The following PLCB1 variants were observed in gnomAD, a reference collection of about 807,000 sequenced individuals.
The protein encoded by PLCB1 is 1-phosphatidylinositol 4,5-bisphosphate phosphodiesterase beta-1.
Under a neutral mutation model 161.8 loss-of-function variants are expected in PLCB1, and 46 were observed. The ratio of observed to expected loss-of-function variants is 0.28; its 90% CI spans 0.22 to 0.36. PLCB1 has a LOEUF of 0.36. Ranked by LOEUF, PLCB1 falls within the 10% of genes least tolerant of loss-of-function variation. The pLI, the probability that PLCB1 is intolerant of heterozygous loss-of-function variation, is 1.00. For missense variants in PLCB1, 1,016 were observed against 1,472.5 expected, an observed-to-expected ratio of 0.69 and a Z score of 5.07; for synonymous variants, 517 against 503.7, an observed-to-expected ratio of 1.03 and a Z score of -0.35.
Position 8,473,049 on chromosome 20 carries a change from A to C in PLCB1, c.246+101599A>C, listed in dbSNP as rs376771096. 1.6e-4 allele frequency among the ~76,000 whole-genome samples: 24 copies of C among 152,252 alleles called. 1 individual carries two copies. The South Asian group carries it at 2.9e-3, about 18-fold the overall frequency. The stretch of plus-strand genomic sequence containing the variant: ...AGAAGGAGAAAGAGTATGGACGGTC[A>C]CCAGTGGAAGGTTTCTGTGAATGTG... On this transcript the variant is annotated intron_variant, in intron 3 of 31. Transcript: ENST00000338037.
At chr20:8,731,278 G>C (rs1414318977) in intron 18 of PLCB1, among the ~76,000 whole-genome samples, 5 of 151,872 alleles carry the variant, frequency 3.3e-5, no homozygotes, top group Non-Finnish European at 7.4e-5. Context: ...AATCAAATCA[G>C]AGTAATTGGG....
intron 10 of PLCB1, among the ~76,000 whole-genome samples, chr20:8,694,424 T>A (rs1454964494): frequency 3.3e-5 from 5 of 152,206 alleles, no homozygotes; most frequent in Non-Finnish European, 7.3e-5. Flanking sequence ...TCTTTTTTAT[T>A]CTTCAGTTTT....
intron 2 of PLCB1, among the ~76,000 whole-genome samples, chr20:8,368,543 A>AG (rs1986797864): frequency 6.6e-6 from 1 of 151,304 alleles, no homozygotes; most frequent in Non-Finnish European, 1.5e-5. Context: ...AAAAAAAAAA[A>AG]AAAAAAAGAA....
At position 8,401,619 on chromosome 20, in the gene PLCB1, G is replaced by C. The variant is rs561521853; in HGVS notation, c.246+30169G>C. 2.0e-5 allele frequency among the ~76,000 whole-genome samples: 3 copies of C among 152,302 alleles called. No individual in the cohort carries two copies. The South Asian group carries it at 6.2e-4, about 32-fold the overall frequency. ...ACATCTCTTGCTCAAACCATCTGCT[G>C]AAGGTCTGCAAAAACATTCCAAGAT... is the stretch of plus-strand genomic sequence containing the variant. On this transcript the variant is annotated intron_variant, in intron 3 of 31. Coordinates refer to ENST00000338037, the MANE Select transcript of PLCB1 (RefSeq NM_015192.4).
Position 8,602,215 on chromosome 20 carries a change from G to GT in PLCB1, c.247-26069dup, listed in dbSNP as rs1270626622. ...GAAGAGTATATGACACCAACACCAA[G>GT]TTTTTTTTTTAATCAAAAGCAAGGT... On this transcript the variant is annotated intron_variant, in intron 3 of 31. Transcript: ENST00000338037. 6.5e-3 allele frequency among the ~76,000 whole-genome samples: 965 copies of GT among 149,208 alleles called. 13 individuals are homozygous for GT. The highest frequency in any genetic ancestry group is 0.022 in the African/African-American group (916 of 40,814).
chr20:8,767,831 T>C (rs1347973099), intron 26 of PLCB1, among the ~76,000 whole-genome samples: 2 of 152,200 alleles, frequency 1.3e-5, no homozygotes, highest in African/African-American at 4.8e-5. Context: ...TACAGCAAAC[T>C]GGATGGCTTA....
At chr20:8,648,017 T>C in intron 6 of PLCB1, 64 bp downstream of exon 6, 1 of 1,214,436 alleles carries the variant, frequency 8.2e-7, no homozygotes, top group Non-Finnish European at 1.2e-6. Context: ...ATCCATGCCA[T>C]GGCTCTGTTT....
chr20:8,857,398 T>C (rs1987104910), intron 31 of PLCB1, among the ~76,000 whole-genome samples: 2 of 152,246 alleles, frequency 1.3e-5, no homozygotes, highest in Admixed American at 1.3e-4. Flanking sequence ...TAAATGTTGC[T>C]ATAGTTTATT....
At chr20:8,216,996 C>T (rs1979169918) in intron 2 of PLCB1, among the ~76,000 whole-genome samples, 1 of 152,112 alleles carries the variant, frequency 6.6e-6, no homozygotes, top group African/African-American at 2.4e-5. Flanking sequence ...GTGCGTGGCT[C>T]ACCACTGAGG....
intron 3 of PLCB1, among the ~76,000 whole-genome samples, chr20:8,455,510 G>T (rs1193973204): frequency 2.3e-5 from 3 of 129,916 alleles, no homozygotes; most frequent in East Asian, 4.6e-4. Context: ...TTGCAATCTC[G>T]GCTCACTGCA....
At chr20:8,416,797 G>C (rs183270261) in intron 3 of PLCB1, among the ~76,000 whole-genome samples, 12 of 152,062 alleles carry the variant, frequency 7.9e-5, no homozygotes, top group African/African-American at 2.7e-4. Context: ...CATCCTGGTA[G>C]CCTGACTGAA....
intron 31 of PLCB1, among the ~76,000 whole-genome samples, chr20:8,857,080 C>T (rs1444172642): frequency 6.6e-6 from 1 of 152,148 alleles, no homozygotes; most frequent in Non-Finnish European, 1.5e-5. Flanking sequence ...ATGGCCTCTG[C>T]TAGAACGACC....
At position 8,198,951 on chromosome 20, in the gene PLCB1, G is replaced by GACAC. The variant is rs139256873; in HGVS notation, c.177+48597_177+48600dup. On this transcript the variant is annotated intron_variant, in intron 2 of 31. Transcript: ENST00000338037. Reference sequence around the variant, plus strand: ...AGACACACACACAGACAGACAGACAGACACACACACACACACACACGGACC... The same window carrying GACAC: ...AGACACACACACAGACAGACAGACAGACACACACACACACACACACACACGGACC... Among the ~76,000 whole-genome samples, 1,146 of 149,436 alleles carry GACAC rather than the reference G, an allele frequency of 7.7e-3. 13 individuals are homozygous for GACAC. The highest frequency in any genetic ancestry group is 0.025 in the African/African-American group (1,028 of 40,906).
chr20:8,516,227 C>T (rs1600120586), intron 3 of PLCB1, among the ~76,000 whole-genome samples: 1 of 152,172 alleles, frequency 6.6e-6, no homozygotes, highest in South Asian at 2.1e-4. Context: ...TCACATGTCC[C>T]CTCTGAGCCC....
intron 31 of PLCB1, among the ~76,000 whole-genome samples, chr20:8,857,572 A>G (rs960232595): frequency 1.4e-4 from 22 of 152,200 alleles, no homozygotes. Flanking sequence ...TTGGTTGTAT[A>G]CCAAACTGTG....
At chr20:8,197,964 A>G (rs1009498479) in intron 2 of PLCB1, among the ~76,000 whole-genome samples, 5 of 152,042 alleles carry the variant, frequency 3.3e-5, no homozygotes, top group Non-Finnish European at 7.4e-5. Flanking sequence ...AAGATCAGAT[A>G]GTTATAGATG....
At chr20:8,371,208 T>C in intron 2 of PLCB1, 174 bp from the exon 3 acceptor site, 1 of 542,654 alleles carries the variant, frequency 1.8e-6, no homozygotes, top group South Asian at 2.6e-5. Context: ...GTTAGCTGTC[T>C]TTTGTTTCCA....
intron 2 of PLCB1, among the ~76,000 whole-genome samples, chr20:8,193,603 G>T (rs571685538): frequency 1.3e-5 from 2 of 151,952 alleles, no homozygotes; most frequent in South Asian, 4.2e-4. Flanking sequence ...GACAAGGGTG[G>T]GTGTGAAAGT....
intron 10 of PLCB1, among the ~76,000 whole-genome samples, chr20:8,697,041 A>ATT (rs11385299): frequency 2.6e-5 from 4 of 151,568 alleles, no homozygotes; most frequent in African/African-American, 9.7e-5. Context: ...CCTTAAATTT[A>ATT]TTTTTTTTTA....
Sources: allele counts gnomAD v4.1 joint callset (sites outside exome capture counted in the v4.1 genomes callset), GRCh38; gene constraint gnomAD v4.1.1; transcripts MANE v1.5; gene names NCBI Gene and HGNC (gene_info 2026-07-23, HGNC 2026-07-21).